The following KAZN variants were observed in gnomAD, a reference collection of about 807,000 sequenced individuals.
KAZN encodes the protein kazrin.
Under a neutral mutation model 87.4 loss-of-function variants are expected in KAZN, and 40 were observed. The ratio of observed to expected loss-of-function variants is 0.46; its 90% CI spans 0.36 to 0.60. The LOEUF (loss-of-function observed/expected upper bound fraction) is 0.60, where lower values mean the gene tolerates loss of function less well. Ranked by LOEUF, KAZN falls within the 20% of genes least tolerant of loss-of-function variation. The pLI is 0.00. For missense variants in KAZN, 898 were observed against 1,073.9 expected (o/e 0.84, Z 2.29); for synonymous variants, 466 against 458.3 (o/e 1.02, Z -0.22).
intron 1 of KAZN, among the ~76,000 whole-genome samples, chr1:14,877,160 T>C (rs1652858114): frequency 6.6e-6 from 1 of 152,286 alleles, no homozygotes; most frequent in East Asian, 1.9e-4. Flanking sequence ...TCTCTCGGAC[T>C]CTCTTGGACT....
intron 2 of KAZN, among the ~76,000 whole-genome samples, chr1:14,321,275 A>G (rs1413038103): frequency 2.6e-5 from 4 of 152,184 alleles, no homozygotes; most frequent in Non-Finnish European, 1.5e-5. Context: ...TAAAAACTCT[A>G]TCTCAAAGTC....
chr1:14,825,413 TTTATTTAAACAA>T (rs1355069824), intron 1 of KAZN, among the ~76,000 whole-genome samples: 1 of 152,208 alleles, frequency 6.6e-6, no homozygotes, highest in Non-Finnish European at 1.5e-5. Flanking sequence ...CTCTCTAGAC[TTTATTTAAACAA>T]GTATGCATTC....
chr1:14,030,587 A>G (rs1459247095), intron 1 of KAZN, among the ~76,000 whole-genome samples: 1 of 151,644 alleles, frequency 6.6e-6, no homozygotes, highest in Non-Finnish European at 1.5e-5. Context: ...TAATAAAAAT[A>G]AATAAGTAAA....
At chr1:14,644,393 G>T (rs570119114) in intron 1 of KAZN, among the ~76,000 whole-genome samples, 1 of 144,498 alleles carries the variant, frequency 6.9e-6, no homozygotes, top group South Asian at 2.2e-4. Context: ...ACTGAGTCTC[G>T]CTCTGTCACC....
At chr1:14,863,286 G>C (rs188511402) in intron 1 of KAZN, among the ~76,000 whole-genome samples, 4 of 152,334 alleles carry the variant, frequency 2.6e-5, no homozygotes, top group African/African-American at 9.6e-5. Context: ...TGCTCCAAGA[G>C]TCCAAAGAGG....
intron 1 of KAZN, among the ~76,000 whole-genome samples, chr1:13,934,678 T>C (rs1322475354): frequency 6.6e-6 from 1 of 152,202 alleles, no homozygotes; most frequent in Non-Finnish European, 1.5e-5. Context: ...CTCTGCCTGT[T>C]GAAACCCTTT....
At chr1:15,109,915 T>G (rs1202946602) in intron 13 of KAZN, among the ~76,000 whole-genome samples, 44 of 106,812 alleles carry the variant, frequency 4.1e-4, no homozygotes, top group African/African-American at 1.1e-3. Flanking sequence ...TTGTGTATGT[T>G]TGTGTATGGG....
intron 2 of KAZN, among the ~76,000 whole-genome samples, chr1:14,569,374 G>T (rs1258375056): frequency 1.5e-5 from 2 of 131,088 alleles, no homozygotes; most frequent in African/African-American, 5.9e-5. Flanking sequence ...CCAGGCTGGA[G>T]TGCAGTGGCG....
At chr1:14,972,904 G>C (rs1003140991) in intron 2 of KAZN, among the ~76,000 whole-genome samples, 1 of 152,070 alleles carries the variant, frequency 6.6e-6, no homozygotes, top group Non-Finnish European at 1.5e-5. Context: ...ACACAGGAGA[G>C]GGGGTGTGGG....
intron 2 of KAZN, among the ~76,000 whole-genome samples, chr1:14,416,723 C>CA (rs1369432648): frequency 6.6e-6 from 1 of 151,424 alleles, no homozygotes; most frequent in African/African-American, 2.4e-5. Context: ...GGTGACAGAA[C>CA]AAGACTCTGT....
chr1:14,050,058 T>C (rs760268320), intron 1 of KAZN, among the ~76,000 whole-genome samples: 1 of 151,480 alleles, frequency 6.6e-6, no homozygotes, highest in African/African-American at 2.4e-5. Context: ...TGTGTGGGTG[T>C]GTGGGGGCAT....
intron 1 of KAZN, among the ~76,000 whole-genome samples, chr1:14,797,461 T>C (rs1645865126): frequency 2.6e-5 from 4 of 152,266 alleles, no homozygotes; most frequent in African/African-American, 9.6e-5. Flanking sequence ...TGAGAGTCTA[T>C]GAAGAGGGAT....
chr1:14,136,596 A>G (rs1645113862), intron 1 of KAZN, among the ~76,000 whole-genome samples: 1 of 146,048 alleles, frequency 6.8e-6, no homozygotes, highest in Admixed American at 7.1e-5. Context: ...GCTTCCCAGC[A>G]GAGGTGACTG....
chr1:13,956,303 TTTTTTTC>T (rs1243357702), intron 1 of KAZN, among the ~76,000 whole-genome samples: 6 of 54,700 alleles, frequency 1.1e-4, no homozygotes, highest in East Asian at 1.1e-3. Flanking sequence ...TTTCTTTTCT[TTTTTTTC>T]TTTTTTTTTT....
chr1:14,413,755 C>T (rs2101215991), intron 2 of KAZN, among the ~76,000 whole-genome samples: 1 of 152,080 alleles, frequency 6.6e-6, no homozygotes. Context: ...ACAAAAGCTA[C>T]TGCAAACAAA....
intron 2 of KAZN, among the ~76,000 whole-genome samples, chr1:14,205,883 T>TAAAAAAA (rs1557559689): frequency 3.6e-3 from 2 of 548 alleles, no homozygotes; most frequent in African/African-American, 8.8e-3. Context: ...AGACACTGTC[T>TAAAAAAA]CAAAAAAAAA....
intron 2 of KAZN, among the ~76,000 whole-genome samples, chr1:14,289,610 C>G (rs1653525591): frequency 6.6e-6 from 1 of 152,076 alleles, no homozygotes; most frequent in South Asian, 2.1e-4. Context: ...ATATAGCACA[C>G]TGTTGGGTCT....
At chr1:14,460,997 C>T (rs573688528) in intron 2 of KAZN, among the ~76,000 whole-genome samples, 22 of 152,276 alleles carry the variant, frequency 1.4e-4, no homozygotes, top group African/African-American at 1.9e-4. Context: ...CTGGACCCTG[C>T]GCTGTCGTCT....
chr1:14,941,033 G>A (rs190625044), intron 1 of KAZN, among the ~76,000 whole-genome samples: 1,522 of 148,300 alleles, frequency 0.01, 17 homozygotes, highest in Non-Finnish European at 0.015. Context: ...CTCCTGCCTC[G>A]GCTTCCCAAG....
Sources: allele counts gnomAD v4.1 joint callset (sites outside exome capture counted in the v4.1 genomes callset), GRCh38; gene constraint gnomAD v4.1.1; transcripts MANE v1.5; gene names NCBI Gene and HGNC (gene_info 2026-07-23, HGNC 2026-07-21).